The following AGBL4 variants were observed in gnomAD, a reference collection of about 807,000 sequenced individuals.
AGBL4 encodes the protein AGBL carboxypeptidase 4, also known as cytosolic carboxypeptidase 6.
A neutral mutation model predicts 66.4 loss-of-function variants in AGBL4; 58 were observed. That is an observed-to-expected ratio of 0.87 (90% CI 0.71 to 1.09). The LOEUF is 1.09. Among genes scored for constraint, AGBL4 ranks in the 50% least tolerant of loss-of-function variants. The pLI is 0.00. For missense variants in AGBL4, 579 were observed against 631.0 expected (o/e 0.92, Z 0.88); for synonymous variants, 234 against 222.9 (o/e 1.05, Z -0.44).
intron 2 of AGBL4, among the ~76,000 whole-genome samples, chr1:49,719,936 C>T (rs2124683619): frequency 6.6e-6 from 1 of 152,182 alleles, no homozygotes; most frequent in Non-Finnish European, 1.5e-5. Flanking sequence ...CTGTAAGTTT[C>T]TCGAGGCCTC....
chr1:48,629,240 C>A (rs1247430304), intron 9 of AGBL4, among the ~76,000 whole-genome samples: 1 of 152,004 alleles, frequency 6.6e-6, no homozygotes, highest in African/African-American at 2.4e-5. Context: ...AGAGGAGGGC[C>A]CTGTCTGTGG....
intron 4 of AGBL4, among the ~76,000 whole-genome samples, chr1:49,151,285 T>TA: frequency 7.3e-6 from 1 of 137,632 alleles, no homozygotes; most frequent in Admixed American, 7.7e-5. Flanking sequence ...AAAAAAAATA[T>TA]ATATATATAT....
At chr1:48,812,074 G>T (rs1646064533) in intron 6 of AGBL4, among the ~76,000 whole-genome samples, 1 of 152,190 alleles carries the variant, frequency 6.6e-6, no homozygotes, top group Non-Finnish European at 1.5e-5. Context: ...ACTACCTGAA[G>T]TTGAGACAGA....
intron 2 of AGBL4, among the ~76,000 whole-genome samples, chr1:49,817,417 A>G (rs1645258938): frequency 6.6e-6 from 1 of 152,120 alleles, no homozygotes. Context: ...CTGTTTATTA[A>G]TGGTTAAGAA....
At chr1:49,773,978 G>A (rs1056628904) in intron 2 of AGBL4, among the ~76,000 whole-genome samples, 2 of 152,202 alleles carry the variant, frequency 1.3e-5, no homozygotes, top group Non-Finnish European at 2.9e-5. Flanking sequence ...TGTGAATTTA[G>A]TGAAATGACT....
At chr1:48,829,823 G>A (rs1646509187) in intron 6 of AGBL4, among the ~76,000 whole-genome samples, 1 of 152,054 alleles carries the variant, frequency 6.6e-6, no homozygotes, top group African/African-American at 2.4e-5. Flanking sequence ...GGCTCTGCTG[G>A]GAAAATGTAC....
intron 3 of AGBL4, among the ~76,000 whole-genome samples, chr1:49,655,368 C>T (rs1020395295): frequency 9.9e-5 from 15 of 152,178 alleles, no homozygotes; most frequent in African/African-American, 3.4e-4. Flanking sequence ...CTGCCCTTAA[C>T]ATTTTTTCCT....
In AGBL4 at chr1:49,948,911, G is replaced by C. The variant is rs150099301; in HGVS notation, c.34+74852C>G. On this transcript the variant is annotated intron_variant, in intron 1 of 13. Coordinates refer to ENST00000371839, the MANE Select transcript of AGBL4 (RefSeq NM_032785.4). ...AGACTAACCAAAAAGAACAAATCTA[G>C]AGGCATCACATTACACATTAGAATA... Among the ~76,000 whole-genome samples, 70 of 151,676 alleles carry C rather than the reference G, an allele frequency of 4.6e-4. 1 individual carries two copies. Among genetic ancestry groups the C allele is most frequent in the African/African-American group, 1.5e-3 (63 of 41,442 alleles).
intron 3 of AGBL4, among the ~76,000 whole-genome samples, chr1:49,437,525 T>G (rs1645928943): frequency 6.6e-6 from 1 of 152,196 alleles, no homozygotes; most frequent in Non-Finnish European, 1.5e-5. Context: ...GGAGGCTATC[T>G]GGAAGAAATA....
intron 5 of AGBL4, among the ~76,000 whole-genome samples, chr1:48,929,527 T>C (rs1654865698): frequency 6.6e-6 from 1 of 152,196 alleles, no homozygotes; most frequent in South Asian, 2.1e-4. Flanking sequence ...GATTTTCCTA[T>C]TATTTCTCTG....
intron 3 of AGBL4, among the ~76,000 whole-genome samples, chr1:49,523,424 G>T (rs1650418229): frequency 6.6e-6 from 1 of 152,042 alleles, no homozygotes; most frequent in Admixed American, 6.6e-5. Flanking sequence ...GATTAAATAA[G>T]AACATAAAGT....
intron 2 of AGBL4, among the ~76,000 whole-genome samples, chr1:49,796,512 AAATTTAAATTTAAAATTT>A (rs973385400): frequency 1.9e-4 from 28 of 151,186 alleles, no homozygotes; most frequent in Non-Finnish European, 3.4e-4. Context: ...TTTATAATTT[AAATTTAAATTTAAAATTT>A]AATTTAAATT....
chr1:50,007,465 T>C (rs1192613569), intron 1 of AGBL4, among the ~76,000 whole-genome samples: 1 of 152,134 alleles, frequency 6.6e-6, no homozygotes, highest in East Asian at 1.9e-4. Flanking sequence ...CTGTTGTGTA[T>C]AAGAAACACA....
chr1:48,810,490 A>G (rs887790265), intron 6 of AGBL4, among the ~76,000 whole-genome samples: 5 of 152,216 alleles, frequency 3.3e-5, no homozygotes, highest in Admixed American at 6.5e-5. Flanking sequence ...TTTCAATCCC[A>G]GTCTACCATT....
rs371501516 is a variant in AGBL4 at position 49,240,661 on chromosome 1, C to T, written c.377+5109G>A. On this transcript the variant is annotated intron_variant, in intron 4 of 13. Transcript: ENST00000371839. ...ATGTAGGGATTTCTCAGAGCCTTAT[C>T]CTAATCTCTCTTCTCATGGCCTCCC... 1.1e-3 allele frequency among the ~76,000 whole-genome samples: 163 copies of T among 151,294 alleles called. 1 individual carries two copies. The highest frequency in any genetic ancestry group is 3.8e-3 in the African/African-American group (157 of 41,172).
chr1:49,581,405 T>C (rs868411149), intron 3 of AGBL4, among the ~76,000 whole-genome samples: 4 of 152,176 alleles, frequency 2.6e-5, no homozygotes, highest in African/African-American at 9.7e-5. Flanking sequence ...GGGCATCATA[T>C]CACCTCATTT....
intron 6 of AGBL4, among the ~76,000 whole-genome samples, chr1:48,701,771 G>A (rs967646707): frequency 1.1e-4 from 17 of 152,190 alleles, no homozygotes; most frequent in South Asian, 4.2e-4. Context: ...AGCACCCACC[G>A]GATGCCAGTT....
intron 3 of AGBL4, among the ~76,000 whole-genome samples, chr1:49,276,186 T>A (rs921054649): frequency 6.6e-6 from 1 of 152,024 alleles, no homozygotes; most frequent in African/African-American, 2.4e-5. Context: ...AGAAGGAGAT[T>A]CAATTATTTA....
intron 3 of AGBL4, among the ~76,000 whole-genome samples, chr1:49,323,974 CA>C (rs1424580774): frequency 1.3e-5 from 2 of 152,118 alleles, no homozygotes; most frequent in Non-Finnish European, 1.5e-5. Flanking sequence ...TAGAATTAGT[CA>C]AAACTGTAAT....
Sources: gnomAD v4.1 joint callset for allele counts (sites outside exome capture counted in the v4.1 genomes callset) on GRCh38, gnomAD v4.1.1 for gene constraint, MANE v1.5 for transcripts, NCBI Gene and HGNC (gene_info 2026-07-23, HGNC 2026-07-21) for gene names.